DCUN1D4: variants seen among roughly 807,000 people sequenced by gnomAD.
DCUN1D4 encodes the protein DCN1-like protein 4.
In DCUN1D4, 22 loss-of-function variants were observed where a neutral mutation model predicts 47.9. That is an observed-to-expected ratio of 0.46 (90% CI 0.33 to 0.66). DCUN1D4 has a LOEUF of 0.66. Ranked by LOEUF, DCUN1D4 falls within the 30% of genes least tolerant of loss-of-function variation. The pLI is 0.02. For missense variants in DCUN1D4, 301 were observed against 340.8 expected (o/e 0.88, Z 0.92); for synonymous variants, 121 against 112.2 (o/e 1.08, Z -0.50).
intron 1 of DCUN1D4, chr4:51,844,750 A>G: frequency 1.2e-6 from 1 of 839,440 alleles, no homozygotes; most frequent in Non-Finnish European, 1.4e-6. Context: ...AACGGGTATG[A>G]AGGGGAAAGG....
intron 3 of DCUN1D4, among the ~76,000 whole-genome samples, chr4:51,873,305 A>G (rs1297554023): frequency 6.6e-6 from 1 of 152,182 alleles, no homozygotes; most frequent in African/African-American, 2.4e-5. Flanking sequence ...AAGTAGAAAT[A>G]ATTATCTTTG....
chr4:51,845,065 C>T, intron 1 of DCUN1D4: 1 of 985,472 alleles, frequency 1.0e-6, no homozygotes, highest in Non-Finnish European at 1.2e-6. Flanking sequence ...CATTTTGTGG[C>T]CTTACTTGTG....
chr4:51,881,649 T>C (rs537815850), intron 5 of DCUN1D4, among the ~76,000 whole-genome samples: 6 of 146,640 alleles, frequency 4.1e-5, no homozygotes, highest in Non-Finnish European at 7.5e-5. Flanking sequence ...CTTATTATTT[T>C]AGATACAAGT....
At chr4:51,898,594 A>G (rs1188751110) in intron 7 of DCUN1D4, among the ~76,000 whole-genome samples, 2 of 152,240 alleles carry the variant, frequency 1.3e-5, no homozygotes, top group Non-Finnish European at 2.9e-5. Context: ...CACCATAACC[A>G]TAGGAATCCA....
chr4:51,886,789 T>G, intron 6 of DCUN1D4, 151 bp downstream of exon 6: 1 of 641,474 alleles, frequency 1.6e-6, no homozygotes, highest in Non-Finnish European at 2.7e-6. Flanking sequence ...CTAGTTTGAC[T>G]TATAAGCAGA....
At chr4:51,874,171 C>A in intron 3 of DCUN1D4, 100 bp from the exon 4 acceptor site, 2 of 617,068 alleles carry the variant, frequency 3.2e-6, no homozygotes, top group Non-Finnish European at 5.2e-6. Flanking sequence ...CCTTACAATA[C>A]AAGCTGTGGA....
At chr4:51,866,433 G>A (rs1204079787) in intron 3 of DCUN1D4, among the ~76,000 whole-genome samples, 1 of 151,896 alleles carries the variant, frequency 6.6e-6, no homozygotes, top group Non-Finnish European at 1.5e-5. Context: ...AAATACAAGT[G>A]TACATTTATA....
chr4:51,885,263 C>T (rs1729281744), intron 5 of DCUN1D4, among the ~76,000 whole-genome samples: 1 of 152,114 alleles, frequency 6.6e-6, no homozygotes, highest in Non-Finnish European at 1.5e-5. Context: ...GAGGAGACTG[C>T]TGTAGTTGTC....
intron 1 of DCUN1D4, among the ~76,000 whole-genome samples, chr4:51,857,157 A>T (rs903099260): frequency 2.0e-5 from 3 of 152,220 alleles, no homozygotes; most frequent in Non-Finnish European, 4.4e-5. Context: ...GTGGGCAGTT[A>T]GTGAGACAAC....
At position 51,913,569 on chromosome 4, in the gene DCUN1D4, C is replaced by A; in HGVS notation, c.864C>A (p.Asp288Glu). The A allele has an allele frequency of 6.2e-7, 1 of 1,612,898 alleles. No individual in the cohort carries two copies. The highest frequency in any genetic ancestry group is 1.1e-5 in the South Asian group (1 of 90,972). Residue 288 changes from aspartate (D) to glutamate (E), a missense_variant, in exon 11 of 11, where the codon GAC becomes GAA. Asp to Glu is a conservative substitution (Grantham distance 45). This residue lies in a region of DCUN1D4 where 170 missense variants were observed against 234.5 expected (regional missense o/e 0.73). Transcript: ENST00000334635. ...LLDEFVEWYK[D>E]KQMS ...ACGAGTTTGTGGAGTGGTATAAAGA[C>A]AAACAGATGTCCTAGGACTTTATGC...
intron 1 of DCUN1D4, among the ~76,000 whole-genome samples, chr4:51,858,353 T>G (rs1724474107): frequency 6.6e-6 from 1 of 151,876 alleles, no homozygotes. Context: ...GGTGGGAGTG[T>G]TCTTGGAGTG....
intron 9 of DCUN1D4, among the ~76,000 whole-genome samples, chr4:51,912,477 T>C (rs1337393616): frequency 1.3e-5 from 2 of 152,194 alleles, no homozygotes; most frequent in African/African-American, 4.8e-5. Flanking sequence ...TGTGTTTGCA[T>C]CCTCAAAACC....
At chr4:51,907,256 T>C (rs1733032194) in intron 8 of DCUN1D4, among the ~76,000 whole-genome samples, 1 of 152,236 alleles carries the variant, frequency 6.6e-6, no homozygotes, top group African/African-American at 2.4e-5. Flanking sequence ...TGAGCTTAAT[T>C]GATTGCCTTG....
chr4:51,897,942 T>G (rs757139588), intron 7 of DCUN1D4, among the ~76,000 whole-genome samples: 1 of 152,214 alleles, frequency 6.6e-6, no homozygotes, highest in Non-Finnish European at 1.5e-5. Flanking sequence ...AGAAGAATTA[T>G]AGCCAATAAA....
rs141598700 is a variant in DCUN1D4 at position 51,853,970 on chromosome 4, C to T, written c.26-9467C>T. Among the ~76,000 whole-genome samples, 9 of 152,264 alleles carry T rather than the reference C, an allele frequency of 5.9e-5. No homozygotes were observed. In the South Asian group the frequency reaches 1.0e-3, roughly 18 times the overall value. ...GCAGCATTAACTCATTTAATCCACACGATATCCTTATGAGGCAGGCACTGT... is the reference window on the plus strand; with the variant it reads ...GCAGCATTAACTCATTTAATCCACATGATATCCTTATGAGGCAGGCACTGT... On this transcript the variant is annotated intron_variant, in intron 1 of 10. Coordinates refer to ENST00000334635, the MANE Select transcript of DCUN1D4 (RefSeq NM_001040402.3).
intron 5 of DCUN1D4, among the ~76,000 whole-genome samples, chr4:51,881,894 G>C (rs1376930284): frequency 1.3e-5 from 2 of 152,098 alleles, no homozygotes; most frequent in Non-Finnish European, 2.9e-5. Flanking sequence ...AGGGCTGGGT[G>C]CAGTTGGTCA....
chr4:51,885,963 G>A (rs1471771585), intron 5 of DCUN1D4, among the ~76,000 whole-genome samples: 1 of 152,144 alleles, frequency 6.6e-6, no homozygotes, highest in Non-Finnish European at 1.5e-5. Context: ...GGAGACCTTG[G>A]CAAAAAGAAT....
At chr4:51,852,952 T>C (rs996153205) in intron 1 of DCUN1D4, among the ~76,000 whole-genome samples, 1 of 152,080 alleles carries the variant, frequency 6.6e-6, no homozygotes, top group Non-Finnish European at 1.5e-5. Context: ...ATGGAAAGAT[T>C]TTTACTGTGA....
intron 6 of DCUN1D4, among the ~76,000 whole-genome samples, chr4:51,889,609 AC>A (rs1730110047): frequency 6.6e-6 from 1 of 152,054 alleles, no homozygotes; most frequent in Non-Finnish European, 1.5e-5. Context: ...TTTTAACTTA[AC>A]AAGTGTTTAT....
Sources: gnomAD v4.1 joint callset for allele counts (sites outside exome capture counted in the v4.1 genomes callset) on GRCh38, gnomAD v4.1.1 for gene constraint, gnomAD v4.1.1 regional missense constraint, MANE v1.5 for transcripts, NCBI Gene and HGNC (gene_info 2026-07-23, HGNC 2026-07-21) for gene names.